Variants in ART1 observed in about 807,000 individuals in gnomAD.
ART1 encodes the protein ADP-ribosyltransferase 1.
Under a neutral mutation model 27.0 loss-of-function variants are expected in ART1, and 29 were observed. The observed-to-expected ratio is 1.08, with a 90% CI of 0.80 to 1.47. ART1 has a LOEUF of 1.47. Ranked by LOEUF, ART1 falls within the 40% of genes most tolerant of loss-of-function variation. The pLI is 0.00. For synonymous variants in ART1, 201 were observed against 172.2 expected (o/e 1.17, Z -1.31); for missense variants, 480 against 423.0 (o/e 1.13, Z -1.18).
At chr11:3,660,450 TC>T in intron 3 of ART1, 87 bp downstream of exon 3, 1 of 1,432,314 alleles carries the variant, frequency 7.0e-7, no homozygotes, top group Non-Finnish European at 9.4e-7. Context: ...AGCCCCTATC[TC>T]CTGTGTCCCA....
In ART1 at chr11:3,659,666, G is replaced by A. The variant is rs760941868; in HGVS notation, c.147G>A (p.Gln49=). The change falls in exon 3 of 5, where the codon CAG becomes CAA. Residue 49 remains glutamine, a synonymous_variant. Coordinates refer to ENST00000250693, the MANE Select transcript of ART1 (RefSeq NM_004314.3). ...LDMALASFDD[Q]YAGCAAAMTA... ...TGGCCCTGGCCTCCTTTGATGACCA[G>A]TACGCTGGCTGTGCTGCTGCCATGA... is the stretch of plus-strand genomic sequence containing the variant. The A allele has an allele frequency of 3.7e-6, 6 of 1,613,896 alleles. No individual in the cohort carries two copies. The highest frequency in any genetic ancestry group is 5.1e-6 in the Non-Finnish European group (6 of 1,180,032).
chr11:3,653,040 C>A lies in ART1; in HGVS notation c.-52-6122C>A, dbSNP rs186768539. Among the ~76,000 whole-genome samples the A allele has an allele frequency of 5.3e-4, 79 of 148,070 alleles. 12 individuals carry two copies. Among genetic ancestry groups the A allele is most frequent in the African/African-American group, 1.9e-3 (72 of 38,248 alleles). ...GTTTCTTCTAACAACCCCACAATAT[C>A]ACCCCTTACCACAAAATCTTCGTTC... On this transcript the variant is annotated intron_variant, in intron 1 of 4. Coordinates refer to ENST00000250693, the MANE Select transcript of ART1 (RefSeq NM_004314.3).
intron 1 of ART1, among the ~76,000 whole-genome samples, chr11:3,656,280 C>T (rs972388286): frequency 5.9e-5 from 9 of 152,168 alleles, no homozygotes; most frequent in Non-Finnish European, 1.2e-4. Flanking sequence ...ACCTCCTGGT[C>T]TCAAGCAATC....
intron 4 of ART1, among the ~76,000 whole-genome samples, chr11:3,663,134 C>CTCA (rs779487165): frequency 6.8e-5 from 10 of 148,078 alleles, no homozygotes; most frequent in Non-Finnish European, 1.2e-4. Context: ...CTCATCTCAT[C>CTCA]TCATCTCATC....
chr11:3,664,020 T>C, intron 4 of ART1, 72 bp from the exon 5 acceptor site: 8 of 1,450,706 alleles, frequency 5.5e-6, no homozygotes, highest in Non-Finnish European at 7.6e-6. Flanking sequence ...TCCCCACTTT[T>C]GCTCCTGTGC....
rs745619713 is a variant in ART1, at chr11:3,659,203, G to C, written c.-11G>C. ...CCAAAAAGAGACAGCAACTGGCCCA[G>C]GGTCACCAGCATGCAGATGCCTGCT... On this transcript the variant is annotated 5_prime_UTR_variant, in exon 2 of 5. Transcript: ENST00000250693. 2.5e-6 allele frequency: 4 copies of C among 1,614,044 alleles called. No homozygotes were observed. The highest frequency in any genetic ancestry group is 1.7e-5 in the Admixed American group (1 of 60,002).
chr11:3,653,074 C>G (rs1011193610), intron 1 of ART1, among the ~76,000 whole-genome samples: 1 of 148,380 alleles, frequency 6.7e-6, no homozygotes, highest in Admixed American at 6.6e-5. Flanking sequence ...TCAGCTTAAT[C>G]TCTCCCACTC....
intron 4 of ART1, among the ~76,000 whole-genome samples, chr11:3,662,705 G>A (rs925098555): frequency 1.3e-5 from 2 of 152,126 alleles, no homozygotes; most frequent in African/African-American, 2.4e-5. Context: ...TTAGCCGGGC[G>A]TGGTGGCGCA....
chr11:3,664,010 T>TCC, intron 4 of ART1, 82 bp from the exon 5 acceptor site: 1 of 1,315,914 alleles, frequency 7.6e-7, no homozygotes. Flanking sequence ...TATCTGCATG[T>TCC]CCCCACTTTT....
intron 4 of ART1, 40 bp downstream of exon 4, chr11:3,661,453 G>T: frequency 5.6e-6 from 8 of 1,429,912 alleles, no homozygotes; most frequent in South Asian, 1.2e-5. Context: ...GTTCAGGGAT[G>T]AGCAGGCTGC....
chr11:3,650,936 C>T (rs1232389001), intron 1 of ART1, among the ~76,000 whole-genome samples: 1 of 149,524 alleles, frequency 6.7e-6, no homozygotes, highest in Non-Finnish European at 1.5e-5. Context: ...GTATCCCATC[C>T]CACAGCATGC....
At chr11:3,656,888 G>T (rs577084565) in intron 1 of ART1, among the ~76,000 whole-genome samples, 1 of 152,252 alleles carries the variant, frequency 6.6e-6, no homozygotes, top group South Asian at 2.1e-4. Flanking sequence ...CAGCTTTTGA[G>T]GGGGAGAAGA....
chr11:3,663,073 CTCATCATCTCATCTCA>C (rs2077633313), intron 4 of ART1, among the ~76,000 whole-genome samples: 9 of 100,330 alleles, frequency 9.0e-5, no homozygotes, highest in Admixed American at 2.0e-4. Flanking sequence ...CTCATCTCAT[CTCATCATCTCATCTCA>C]TCATCTCATC....
chr11:3,664,189 A>G lies in ART1; in HGVS notation c.984A>G (p.Ter328TrpextTer65), dbSNP rs547934498. Reference sequence around the variant, plus strand: ...TTCCAGATGGTCCAGGCCTCCTTTGATGCATGAGACACGGGACAGCCTCGC... The same window carrying G: ...TTCCAGATGGTCCAGGCCTCCTTTGGTGCATGAGACACGGGACAGCCTCGC... ...RAFPDGPGLL[*>W] Residue 328 changes from the stop codon to tryptophan, a stop_lost, in exon 5 of 5, where the codon TGA becomes TGG. Transcript: ENST00000250693. The G allele has an allele frequency of 5.6e-6, 9 of 1,613,492 alleles. No homozygotes were observed. In the South Asian group the frequency reaches 7.7e-5, roughly 14 times the overall value.
Position 3,664,238 on chromosome 11 carries a change from G to A in ART1, c.*49G>A. ...GCCTGCTGCCTCTGCCCATCCTGAG[G>A]ATGTTGGCCATGTGTGCTTTCAGTG... On this transcript the variant is annotated 3_prime_UTR_variant, in exon 5 of 5. Coordinates refer to ENST00000250693, the MANE Select transcript of ART1 (RefSeq NM_004314.3). 1 of 1,570,604 alleles carries A rather than the reference G, an allele frequency of 6.4e-7. No homozygotes were observed. The highest frequency in any genetic ancestry group is 1.1e-5 in the South Asian group (1 of 89,924).
intron 1 of ART1, among the ~76,000 whole-genome samples, chr11:3,651,390 C>T (rs1308210585): frequency 2.0e-5 from 3 of 150,308 alleles, no homozygotes; most frequent in African/African-American, 7.5e-5. Context: ...CTCATAAAAA[C>T]ACACGTGCTC....
At position 3,660,360 on chromosome 11, in the gene ART1, A is replaced by G; in HGVS notation, c.841A>G (p.Lys281Glu). The G allele has an allele frequency of 1.9e-6, 3 of 1,598,410 alleles. No individual in the cohort carries two copies. The highest frequency in any genetic ancestry group is 2.5e-6 in the Non-Finnish European group (3 of 1,177,294). ...KHSTYNCEYI[K>E]DKKCKSGPCH... The stretch of plus-strand genomic sequence containing the variant: ...CAGCACCTACAACTGCGAGTACATC[A>G]AAGGTAGGAGGGCAAGCGCTGGTCG... The change falls in exon 3 of 5, where the codon AAA becomes GAA. Residue 281 changes from lysine (K) to glutamate (E), a missense_variant. By Grantham distance (56) the Lys-to-Glu change is moderately conservative. Coordinates refer to ENST00000250693, the MANE Select transcript of ART1 (RefSeq NM_004314.3).
At chr11:3,658,334 GAAA>G (rs565452996) in intron 1 of ART1, among the ~76,000 whole-genome samples, 3 of 128,448 alleles carry the variant, frequency 2.3e-5, no homozygotes, top group African/African-American at 5.7e-5. Flanking sequence ...CTTGGTCTCG[GAAA>G]AAAAAAAAAA....
intron 1 of ART1, among the ~76,000 whole-genome samples, chr11:3,656,570 T>C (rs1440674681): frequency 6.6e-6 from 1 of 151,984 alleles, no homozygotes; most frequent in African/African-American, 2.4e-5. Context: ...TTTGTGGAGA[T>C]GGGGTTTCAC....
Sources: gnomAD v4.1 joint callset for allele counts (sites outside exome capture counted in the v4.1 genomes callset) on GRCh38, gnomAD v4.1.1 for gene constraint, MANE v1.5 for transcripts, NCBI Gene and HGNC (gene_info 2026-07-23, HGNC 2026-07-21) for gene names.